The following IGF1R variants were observed in gnomAD, a reference collection of about 807,000 sequenced individuals.
IGF1R encodes insulin-like growth factor 1 receptor.
A neutral mutation model predicts 144.6 loss-of-function variants in IGF1R; 44 were observed. The ratio of observed to expected loss-of-function variants is 0.30; its 90% CI spans 0.24 to 0.39. The LOEUF (loss-of-function observed/expected upper bound fraction) is 0.39. Among genes scored for constraint, IGF1R ranks in the 10% least tolerant of loss-of-function variants. IGF1R has a pLI of 1.00. For synonymous variants in IGF1R, 795 were observed against 722.8 expected (o/e 1.10, Z -1.60); for missense variants, 1,355 against 1,833.7 (o/e 0.74, Z 4.77).
At chr15:98,921,926 G>A (rs776432032) in intron 10 of IGF1R, among the ~76,000 whole-genome samples, 2 of 152,252 alleles carry the variant, frequency 1.3e-5, no homozygotes, top group East Asian at 1.9e-4. Context: ...GAGAGCCGGG[G>A]GGTGGGGGTG....
rs564772304 is a variant in IGF1R at position 98,728,472 on chromosome 15, G to A, written c.640+20365G>A. ...CCTCCCAGCAAGAGGGCCTGACTTA[G>A]TGCTCCCACCATTGCCAGCCCCAGT... On this transcript the variant is annotated intron_variant, in intron 2 of 20. Transcript: ENST00000650285. 1.4e-3 allele frequency among the ~76,000 whole-genome samples: 211 copies of A among 152,354 alleles called. 1 individual carries two copies. The highest frequency in any genetic ancestry group is 5.0e-3 in the African/African-American group (206 of 41,584).
chr15:98,867,328 A>G (rs901834180), intron 2 of IGF1R, among the ~76,000 whole-genome samples: 2 of 152,246 alleles, frequency 1.3e-5, no homozygotes, highest in Non-Finnish European at 1.5e-5. Context: ...TTAAAGGCAA[A>G]AAGCACTGAG....
Position 98,899,556 on chromosome 15 carries a change from T to G in IGF1R, c.1182T>G (p.His394Gln). The part of the protein sequence containing the change: ...VTGYVKIRHS[H>Q]ALVSLSFLKN... ...GCTACGTGAAGATCCGCCATTCTCATGCCTTGGTCTCCTTGTCCTTCCTAA... is the reference window on the plus strand; with the variant it reads ...GCTACGTGAAGATCCGCCATTCTCAGGCCTTGGTCTCCTTGTCCTTCCTAA... Residue 394 changes from histidine to glutamine, a missense_variant, in exon 5 of 21, where the codon CAT becomes CAG. This residue lies in a region of IGF1R where 880 missense variants were observed against 1,202.7 expected (regional missense o/e 0.73). Coordinates refer to ENST00000650285, the MANE Select transcript of IGF1R (RefSeq NM_000875.5). 6.2e-7 allele frequency: 1 copy of G among 1,614,194 alleles called. No individual in the cohort carries two copies. The highest frequency in any genetic ancestry group is 8.5e-7 in the Non-Finnish European group (1 of 1,180,016).
At chr15:98,693,491 T>C (rs2053527081) in intron 1 of IGF1R, among the ~76,000 whole-genome samples, 1 of 152,162 alleles carries the variant, frequency 6.6e-6, no homozygotes, top group Non-Finnish European at 1.5e-5. Flanking sequence ...GTAGACTTGC[T>C]TGGTGGGTGC....
intron 2 of IGF1R, among the ~76,000 whole-genome samples, chr15:98,856,954 A>T (rs901642071): frequency 2.0e-5 from 3 of 152,182 alleles, no homozygotes; most frequent in African/African-American, 4.8e-5. Flanking sequence ...CTTTCCATCT[A>T]AAAATAATGA....
At position 98,666,728 on chromosome 15, in the gene IGF1R, A is replaced by C. The variant is rs114670508; in HGVS notation, c.94+17053A>C. Reference sequence around the variant, plus strand: ...GAAAGTAGAATGGTGAGGGGCGGTGAATAGAGGCTGGGGGGAGGGAGCAAT... The same window carrying C: ...GAAAGTAGAATGGTGAGGGGCGGTGCATAGAGGCTGGGGGGAGGGAGCAAT... On this transcript the variant is annotated intron_variant, in intron 1 of 20. Transcript: ENST00000650285. Among the ~76,000 whole-genome samples the C allele has an allele frequency of 2.6e-3, 392 of 152,216 alleles. 1 individual carries two copies. The highest frequency in any genetic ancestry group is 8.8e-3 in the African/African-American group (367 of 41,516).
chr15:98,912,724 GT>G (rs45561944), intron 7 of IGF1R, among the ~76,000 whole-genome samples: 1 of 152,050 alleles, frequency 6.6e-6, no homozygotes, highest in Non-Finnish European at 1.5e-5. Flanking sequence ...GACTATGCTT[GT>G]TTTTTTCTTG....
At position 98,923,773 on chromosome 15, in the gene IGF1R, G is replaced by C. The variant is rs2015591765; in HGVS notation, c.2486-103G>C. On this transcript the variant is annotated intron_variant, in intron 11 of 20. Transcript: ENST00000650285. ...TCAGTGTACGTGGCTGATCTCCACT[G>C]TCCTGCCCGTGTGGATGGGGGGGTT... 7 of 941,098 alleles carry C rather than the reference G, an allele frequency of 7.4e-6. No individual in the cohort carries two copies. The East Asian group carries it at 1.7e-4, about 23-fold the overall frequency. The allele number at this position is 941,098 out of a possible 1,614,324, so 58.3% of individuals were successfully genotyped here.
In IGF1R at chr15:98,840,927, C is replaced by T. The variant is rs376655636; in HGVS notation, c.641-50398C>T. ...AACTCCTGACCTCAGGTGATCCGCC[C>T]GCCTCGGCCTCCCAAAGTGCTGGGA... On this transcript the variant is annotated intron_variant, in intron 2 of 20. Transcript: ENST00000650285. Among the ~76,000 whole-genome samples the T allele has an allele frequency of 2.3e-3, 346 of 152,214 alleles. 3 individuals carry two copies. The highest frequency in any genetic ancestry group is 7.1e-3 in the African/African-American group (296 of 41,546).
At chr15:98,770,117 A>C (rs1301990754) in intron 2 of IGF1R, among the ~76,000 whole-genome samples, 1 of 152,032 alleles carries the variant, frequency 6.6e-6, no homozygotes, top group Non-Finnish European at 1.5e-5. Flanking sequence ...CGGGGATCTA[A>C]ATTGGGATTC....
intron 2 of IGF1R, among the ~76,000 whole-genome samples, chr15:98,748,829 T>C (rs1287680273): frequency 6.6e-6 from 1 of 152,246 alleles, no homozygotes; most frequent in African/African-American, 2.4e-5. Context: ...CCATTCTTGC[T>C]CTACCCTTAG....
At chr15:98,899,951 A>G (rs1194750592) in intron 5 of IGF1R, among the ~76,000 whole-genome samples, 4 of 152,128 alleles carry the variant, frequency 2.6e-5, no homozygotes, top group African/African-American at 7.2e-5. Flanking sequence ...GTTGGTCTGG[A>G]GTGCTCACCT....
chr15:98,931,057 A>G lies in IGF1R; in HGVS notation c.2956+752A>G, dbSNP rs116042104. ...CCCATTTGTTTCTTAAACCCCTGCA[A>G]TGTGCGTTTTCTTAATGCCCATCTG... On this transcript the variant is annotated intron_variant, in intron 15 of 20. Transcript: ENST00000650285. Among the ~76,000 whole-genome samples the G allele has an allele frequency of 8.1e-3, 1,240 of 152,270 alleles. 18 individuals carry two copies. The highest frequency in any genetic ancestry group is 0.027 in the African/African-American group (1,103 of 41,540).
rs183419184 is a variant in IGF1R, at chr15:98,936,747, G to A, written c.3297+1321G>A. On this transcript the variant is annotated intron_variant, in intron 17 of 20. Transcript: ENST00000650285. ...TGCAGCACATGGTGTTTGGGGCCAA[G>A]TGTGGACTGGGGCTTCAAGCAGGAT... is the stretch of plus-strand genomic sequence containing the variant. Among the ~76,000 whole-genome samples, 326 of 152,188 alleles carry A rather than the reference G, an allele frequency of 2.1e-3. 5 individuals are homozygous for A. The highest frequency in any genetic ancestry group is 0.018 in the South Asian group (85 of 4,816).
chr15:98,651,142 T>C, intron 1 of IGF1R: 1 of 855,064 alleles, frequency 1.2e-6, no homozygotes, highest in Non-Finnish European at 1.4e-6. Context: ...AAATCACGAC[T>C]GAGCCTTCAC....
Position 98,908,917 on chromosome 15 carries a change from A to C in IGF1R, c.1462+18A>C. ...AGCCTCCTGTGAGTGACAGCATCCA[A>C]AACACCGTGGGCCCAACCATCATGA... is the stretch of plus-strand genomic sequence containing the variant. On this transcript the variant is annotated intron_variant, in intron 6 of 20. Transcript: ENST00000650285. The C allele has an allele frequency of 6.2e-7, 1 of 1,605,354 alleles. No homozygotes were observed. Among genetic ancestry groups the C allele is most frequent in the Non-Finnish European group, 8.5e-7 (1 of 1,173,824 alleles).
intron 1 of IGF1R, among the ~76,000 whole-genome samples, chr15:98,702,783 A>G (rs1380532230): frequency 6.6e-6 from 1 of 152,114 alleles, no homozygotes; most frequent in Admixed American, 6.5e-5. Flanking sequence ...ATTAAAAAAC[A>G]AAACAAAACC....
intron 2 of IGF1R, among the ~76,000 whole-genome samples, chr15:98,832,963 G>T: frequency 6.6e-6 from 1 of 152,098 alleles, no homozygotes. Context: ...GACTTTGTTT[G>T]GTAACCTGAA....
intron 2 of IGF1R, among the ~76,000 whole-genome samples, chr15:98,725,936 T>A (rs915768875): frequency 6.6e-6 from 1 of 152,174 alleles, no homozygotes; most frequent in Non-Finnish European, 1.5e-5. Context: ...CCAGCCCTCA[T>A]GATTCAATTA....
Sources: gnomAD v4.1 joint callset for allele counts (sites outside exome capture counted in the v4.1 genomes callset) on GRCh38, gnomAD v4.1.1 for gene constraint, gnomAD v4.1.1 regional missense constraint, MANE v1.5 for transcripts, NCBI Gene and HGNC (gene_info 2026-07-23, HGNC 2026-07-21) for gene names.